SRGAP3: variants seen among roughly 807,000 people sequenced by gnomAD.
SRGAP3 encodes the protein SLIT-ROBO Rho GTPase-activating protein 3.
SRGAP3 carries 39 observed loss-of-function variants against 121.1 expected under a neutral mutation model. The ratio of observed to expected loss-of-function variants is 0.32; its 90% CI spans 0.25 to 0.42. SRGAP3 has a LOEUF of 0.42. SRGAP3 is among the 10% of genes least tolerant of loss of function. The pLI is 1.00. For synonymous variants in SRGAP3, 601 were observed against 570.0 expected, an observed-to-expected ratio of 1.05 and a Z score of -0.77; for missense variants, 1,213 against 1,470.6, an observed-to-expected ratio of 0.82 and a Z score of 2.86.
chr3:9,178,881 G>A (rs899085035), intron 1 of SRGAP3, among the ~76,000 whole-genome samples: 30 of 152,154 alleles, frequency 2.0e-4, no homozygotes, highest in African/African-American at 6.8e-4. Flanking sequence ...TGGCCAGGAC[G>A]TGGGCAGCTC....
At chr3:9,159,956 C>T (rs1353205679) in intron 1 of SRGAP3, among the ~76,000 whole-genome samples, 7 of 152,208 alleles carry the variant, frequency 4.6e-5, no homozygotes, top group African/African-American at 1.7e-4. Context: ...ACACTCATCT[C>T]TCCCATCATC....
Position 9,013,523 on chromosome 3 carries a change from A to G in SRGAP3, c.1932T>C (p.Tyr644=). 2 of 1,614,100 alleles carry G rather than the reference A, an allele frequency of 1.2e-6. No individual in the cohort carries two copies. Among genetic ancestry groups the G allele is most frequent in the Non-Finnish European group, 1.7e-6 (2 of 1,180,002 alleles). Residue 644 remains tyrosine (Y), a synonymous_variant, in exon 17 of 22, where the codon TAT becomes TAC. Transcript: ENST00000383836. ...AGGGATCCATCATGTTCTCGTCGCTATACTGGGAGAGGCTAGGAGAGAGGA... is the reference window on the plus strand; with the variant it reads ...AGGGATCCATCATGTTCTCGTCGCTGTACTGGGAGAGGCTAGGAGAGAGGA... The part of the protein sequence containing the change: ...LFAFLNHLSQ[Y]SDENMMDPYN...
intron 5 of SRGAP3, among the ~76,000 whole-genome samples, chr3:9,060,932 G>A (rs1291292810): frequency 6.6e-6 from 1 of 152,158 alleles, no homozygotes; most frequent in East Asian, 1.9e-4. Flanking sequence ...GTCCTTGCTA[G>A]GGTGGGGTGT....
At chr3:9,027,594 T>C (rs1033882458) in intron 12 of SRGAP3, among the ~76,000 whole-genome samples, 3 of 152,242 alleles carry the variant, frequency 2.0e-5, no homozygotes, top group African/African-American at 7.2e-5. Context: ...GCAGCCGATG[T>C]CAGCCATTGG....
At chr3:9,121,519 C>T (rs1239414652) in intron 2 of SRGAP3, among the ~76,000 whole-genome samples, 1 of 152,196 alleles carries the variant, frequency 6.6e-6, no homozygotes, top group East Asian at 1.9e-4. Flanking sequence ...ACATTAGCAT[C>T]GTGCAGAGGG....
At chr3:9,045,480 G>A (rs536286642) in intron 10 of SRGAP3, among the ~76,000 whole-genome samples, 16 of 152,078 alleles carry the variant, frequency 1.1e-4, no homozygotes, top group Non-Finnish European at 2.1e-4. Flanking sequence ...AAATGGACCA[G>A]GAGTTATGCC....
intron 4 of SRGAP3, among the ~76,000 whole-genome samples, chr3:9,073,330 A>G (rs899640301): frequency 1.3e-5 from 2 of 152,124 alleles, no homozygotes; most frequent in Non-Finnish European, 2.9e-5. Flanking sequence ...TTTTTTGTAG[A>G]GAGAGGGTTT....
intron 1 of SRGAP3, among the ~76,000 whole-genome samples, chr3:9,210,140 G>A (rs1196099062): frequency 6.6e-6 from 1 of 152,180 alleles, no homozygotes; most frequent in African/African-American, 2.4e-5. Context: ...TGGTTGCCTA[G>A]AGATAAGGAT....
intron 1 of SRGAP3, among the ~76,000 whole-genome samples, chr3:9,185,723 G>T (rs1383091391): frequency 6.6e-6 from 1 of 151,496 alleles, no homozygotes; most frequent in Non-Finnish European, 1.5e-5. Context: ...TTTTTTTTGA[G>T]ACAGGGTCTT....
chr3:9,189,988 T>C lies in SRGAP3; in HGVS notation c.67+58897A>G, dbSNP rs879628171. Among the ~76,000 whole-genome samples, 6 of 152,358 alleles carry C rather than the reference T, an allele frequency of 3.9e-5. No homozygotes were observed. The East Asian group carries it at 1.2e-3, about 29-fold the overall frequency. On this transcript the variant is annotated intron_variant, in intron 1 of 21. Transcript: ENST00000383836. ...CTATCCTAAGTGCTTTTCATGTATA[T>C]TCGCATTTAATCCTGCCAGAACACT...
intron 2 of SRGAP3, among the ~76,000 whole-genome samples, chr3:9,123,104 G>A (rs1041068315): frequency 2.6e-5 from 4 of 152,150 alleles, no homozygotes; most frequent in Non-Finnish European, 2.9e-5. Flanking sequence ...TTGTATAATT[G>A]CACTTATATG....
chr3:9,137,466 G>C (rs1057092210), intron 1 of SRGAP3, among the ~76,000 whole-genome samples: 2 of 152,100 alleles, frequency 1.3e-5, no homozygotes, highest in Non-Finnish European at 1.5e-5. Context: ...AGGAAGCACA[G>C]TATATTGGCT....
At chr3:9,000,358 G>C (rs12493134) in intron 18 of SRGAP3, among the ~76,000 whole-genome samples, 28,012 of 152,224 alleles carry the variant, frequency 0.18, 3,077 homozygotes, top group Non-Finnish European at 0.25. Flanking sequence ...GGAGAGGGAA[G>C]TTAAGAGGAT....
chr3:9,204,439 A>G (rs751843669), intron 1 of SRGAP3, among the ~76,000 whole-genome samples: 6 of 152,130 alleles, frequency 3.9e-5, no homozygotes, highest in Non-Finnish European at 8.8e-5. Flanking sequence ...CTTTGCCCCC[A>G]CGGCCTTGGG....
chr3:9,260,896 T>C (rs1379506454), intron 3 of SRGAP3, among the ~76,000 whole-genome samples: 1 of 152,174 alleles, frequency 6.6e-6, no homozygotes, highest in Admixed American at 6.5e-5. Context: ...CCCCCGTGCC[T>C]CCTGACGGGG....
At chr3:9,095,931 G>T (rs551808788) in intron 3 of SRGAP3, among the ~76,000 whole-genome samples, 1 of 151,838 alleles carries the variant, frequency 6.6e-6, no homozygotes, top group African/African-American at 2.4e-5. Context: ...AAATTGCAGG[G>T]TGTGGTGGCA....
rs1250965138 is a variant in SRGAP3, at chr3:8,984,543, A to AT, written c.*975dup. ...GTTTTGGAGTATTCCACACCACTGT[A>AT]TTTTTATTTTTCCCAACCACATGTA... On this transcript the variant is annotated 3_prime_UTR_variant, in exon 22 of 22. Coordinates refer to ENST00000383836, the MANE Select transcript of SRGAP3 (RefSeq NM_014850.4). 8.6e-6 allele frequency: 2 copies of AT among 232,410 alleles called. No homozygotes were observed. The highest frequency in any genetic ancestry group is 4.4e-5 in the African/African-American group (2 of 45,316). The allele number at this position is 232,410 out of a possible 1,614,324, so 14.4% of individuals were successfully genotyped here.
At chr3:9,038,443 A>G (rs1162685592) in intron 10 of SRGAP3, among the ~76,000 whole-genome samples, 1 of 152,244 alleles carries the variant, frequency 6.6e-6, no homozygotes, top group African/African-American at 2.4e-5. Context: ...CTCTGAGATA[A>G]AAACCCAGAA....
At chr3:9,019,046 T>C (rs1400486145) in intron 14 of SRGAP3, among the ~76,000 whole-genome samples, 1 of 152,242 alleles carries the variant, frequency 6.6e-6, no homozygotes, top group Admixed American at 6.5e-5. Context: ...CCTCTATTTA[T>C]TATTTTTTTA....
Sources: allele counts gnomAD v4.1 joint callset (sites outside exome capture counted in the v4.1 genomes callset), GRCh38; gene constraint gnomAD v4.1.1; transcripts MANE v1.5; gene names NCBI Gene and HGNC (gene_info 2026-07-23, HGNC 2026-07-21).